MORC1: variants seen among roughly 807,000 people sequenced by gnomAD.
MORC1 encodes the protein MORC family CW-type zinc finger 1.
Under a neutral mutation model 134.9 loss-of-function variants are expected in MORC1, and 59 were observed. That is an observed-to-expected ratio of 0.44 (90% CI 0.35 to 0.54). MORC1 has a LOEUF of 0.54. MORC1 is among the 20% of genes least tolerant of loss of function. The pLI is 0.00. For missense variants in MORC1, 947 were observed against 1,134.5 expected (o/e 0.83, Z 2.37); for synonymous variants, 395 against 391.7 (o/e 1.01, Z -0.10).
At chr3:109,002,367 C>T (rs1437359198) in intron 20 of MORC1, among the ~76,000 whole-genome samples, 2 of 152,182 alleles carry the variant, frequency 1.3e-5, no homozygotes, top group Non-Finnish European at 2.9e-5. Flanking sequence ...CCAGCAGCCT[C>T]CTCCATCAGC....
At chr3:109,071,222 C>T (rs1559935429) in intron 8 of MORC1, among the ~76,000 whole-genome samples, 7 of 152,054 alleles carry the variant, frequency 4.6e-5, no homozygotes, top group Admixed American at 3.3e-4. Context: ...AAAACTGATA[C>T]GTCTTTATCA....
At chr3:109,103,998 C>T (rs1950976875) in intron 3 of MORC1, 81 bp from the exon 4 acceptor site, 5 of 1,284,750 alleles carry the variant, frequency 3.9e-6, no homozygotes, top group South Asian at 1.2e-5. Context: ...AATAATTATT[C>T]GTCTTCCTCC....
intron 21 of MORC1, among the ~76,000 whole-genome samples, chr3:108,997,981 T>C (rs1459222344): frequency 6.6e-6 from 1 of 152,068 alleles, no homozygotes; most frequent in Non-Finnish European, 1.5e-5. Flanking sequence ...AAAAGTACAG[T>C]TATAGGAGCA....
At chr3:109,073,978 G>T (rs1950370093) in intron 8 of MORC1, among the ~76,000 whole-genome samples, 1 of 152,120 alleles carries the variant, frequency 6.6e-6, no homozygotes, top group East Asian at 1.9e-4. Flanking sequence ...CCACAGTATG[G>T]CAAGCAGCAC....
chr3:108,993,745 G>A (rs532346372), intron 21 of MORC1, among the ~76,000 whole-genome samples: 26 of 152,180 alleles, frequency 1.7e-4, no homozygotes, highest in African/African-American at 6.0e-4. Context: ...GTGTATCTAG[G>A]GTGAATGCAG....
At chr3:109,012,617 A>T (rs1263207182) in intron 17 of MORC1, among the ~76,000 whole-genome samples, 11 of 152,184 alleles carry the variant, frequency 7.2e-5, no homozygotes, top group African/African-American at 2.2e-4. Flanking sequence ...TTCAGTGTAC[A>T]GGTCTTACAT....
At chr3:108,969,776 T>C (rs776612522) in intron 25 of MORC1, 54 bp from the exon 26 acceptor site, 3 of 1,536,348 alleles carry the variant, frequency 2.0e-6, no homozygotes, top group Non-Finnish European at 2.7e-6. Context: ...GAATGTGCTG[T>C]CTACAGCAGA....
chr3:108,966,803 G>A (rs1947231748), intron 26 of MORC1, among the ~76,000 whole-genome samples: 2 of 152,092 alleles, frequency 1.3e-5, no homozygotes, highest in African/African-American at 4.8e-5. Flanking sequence ...GGAGGGGAAA[G>A]GCTCAGAGGT....
rs777841881 is a variant in MORC1, at chr3:108,963,627, C to T, written c.2605-19G>A. On this transcript the variant is annotated intron_variant, in intron 26 of 27. Coordinates refer to ENST00000232603, the MANE Select transcript of MORC1 (RefSeq NM_014429.4). Reference sequence around the variant, plus strand: ...TCTGTATCTGGGAATGTTTTAAAAACAGTTTTAGCATGTTTTTAAAATATT... The same window carrying T: ...TCTGTATCTGGGAATGTTTTAAAAATAGTTTTAGCATGTTTTTAAAATATT... 1.0e-5 allele frequency: 15 copies of T among 1,447,700 alleles called. 1 individual carries two copies. The South Asian group carries it at 1.9e-4, about 18-fold the overall frequency. 89.7% of individuals were successfully genotyped at this position (1,447,700 alleles called of 1,614,324 possible).
intron 8 of MORC1, among the ~76,000 whole-genome samples, chr3:109,080,230 A>G (rs1416091141): frequency 6.6e-6 from 1 of 152,202 alleles, no homozygotes; most frequent in Non-Finnish European, 1.5e-5. Flanking sequence ...AAGCCTCACA[A>G]TCATGGCAGA....
intron 24 of MORC1, among the ~76,000 whole-genome samples, chr3:108,977,329 C>T (rs527248019): frequency 6.6e-6 from 1 of 152,234 alleles, no homozygotes; most frequent in South Asian, 2.1e-4. Flanking sequence ...TGGGTGGATG[C>T]CTGAAATATA....
intron 4 of MORC1, among the ~76,000 whole-genome samples, chr3:109,102,143 C>T (rs767249777): frequency 5.3e-5 from 8 of 152,106 alleles, no homozygotes; most frequent in Non-Finnish European, 1.0e-4. Context: ...TTAACAGGAA[C>T]GTGGCCTGCA....
intron 27 of MORC1, among the ~76,000 whole-genome samples, chr3:108,961,121 G>T (rs981060147): frequency 6.6e-6 from 1 of 152,112 alleles, no homozygotes; most frequent in African/African-American, 2.4e-5. Context: ...CCAACTGAAC[G>T]AACAGATAAG....
intron 26 of MORC1, among the ~76,000 whole-genome samples, 185 bp downstream of exon 26, chr3:108,969,480 TGTTA>T (rs993208295): frequency 6.6e-6 from 1 of 152,224 alleles, no homozygotes; most frequent in African/African-American, 2.4e-5. Flanking sequence ...GTTATAGAAA[TGTTA>T]GTATTTTAAA....
intron 2 of MORC1, among the ~76,000 whole-genome samples, chr3:109,113,805 C>T (rs1253610633): frequency 6.6e-6 from 1 of 152,172 alleles, no homozygotes; most frequent in African/African-American, 2.4e-5. Flanking sequence ...GTTCTGCAGC[C>T]AGACTGCCCA....
intron 8 of MORC1, among the ~76,000 whole-genome samples, chr3:109,083,272 G>C (rs940537005): frequency 2.7e-5 from 4 of 146,012 alleles, no homozygotes; most frequent in Non-Finnish European, 6.0e-5. Context: ...AATGCTAAAA[G>C]TATTTTTTCA....
intron 8 of MORC1, among the ~76,000 whole-genome samples, chr3:109,088,138 G>A (rs1950651880): frequency 6.6e-6 from 1 of 151,808 alleles, no homozygotes; most frequent in South Asian, 2.1e-4. Flanking sequence ...AGACAACCTA[G>A]GTAATACCAT....
At chr3:109,028,705 G>A (rs2107600253) in intron 16 of MORC1, among the ~76,000 whole-genome samples, 1 of 152,106 alleles carries the variant, frequency 6.6e-6, no homozygotes, top group East Asian at 1.9e-4. Flanking sequence ...TATGTACTGG[G>A]GAACTGAGTC....
chr3:109,004,760 G>T, intron 20 of MORC1, 57 bp downstream of exon 20: 3 of 1,500,614 alleles, frequency 2.0e-6, no homozygotes, highest in Admixed American at 1.8e-5. Context: ...AAAGATTAAA[G>T]GTTTATCCTA....
Sources: gnomAD v4.1 joint callset for allele counts (sites outside exome capture counted in the v4.1 genomes callset) on GRCh38, gnomAD v4.1.1 for gene constraint, MANE v1.5 for transcripts, NCBI Gene and HGNC (gene_info 2026-07-23, HGNC 2026-07-21) for gene names.